The following TM2D1 variants were observed in gnomAD, a reference collection of about 807,000 sequenced individuals.
TM2D1 encodes the protein TM2 domain containing 1, also known as TM2 domain-containing protein 1.
Under a neutral mutation model 28.4 loss-of-function variants are expected in TM2D1, and 15 were observed. The observed-to-expected ratio is 0.53, with a 90% CI of 0.35 to 0.81. TM2D1 has a LOEUF of 0.81. TM2D1 is among the 40% of genes least tolerant of loss of function. The pLI is 0.01. For missense variants in TM2D1, 236 were observed against 254.9 expected, an observed-to-expected ratio of 0.93 and a Z score of 0.50; for synonymous variants, 93 against 96.2, an observed-to-expected ratio of 0.97 and a Z score of 0.20.
chr1:61,700,159 T>C, intron 4 of TM2D1: 1 of 1,515,734 alleles, frequency 6.6e-7, no homozygotes, highest in East Asian at 2.5e-5. Context: ...TCTCTTAATC[T>C]CGTGACAATT....
rs374486754 is a variant in TM2D1, at chr1:61,688,313, CAG to C, written c.514-4769_514-4768del. Among the ~76,000 whole-genome samples the C allele has an allele frequency of 2.0e-3, 300 of 152,290 alleles. 2 individuals carry two copies. Among genetic ancestry groups the C allele is most frequent in the African/African-American group, 7.0e-3 (289 of 41,564 alleles). ...AATCTACCTAATTAAGGTCACATGA[CAG>C]AGTAAAAGTTACTCAAATGATCAGT... On this transcript the variant is annotated intron_variant, in intron 5 of 6. Coordinates refer to ENST00000606498, the MANE Select transcript of TM2D1 (RefSeq NM_032027.3).
chr1:61,724,881 G>C (rs773968127), intron 1 of TM2D1, 76 bp downstream of exon 1: 2 of 1,462,508 alleles, frequency 1.4e-6, no homozygotes, highest in Non-Finnish European at 1.8e-6. Flanking sequence ...GCCCTAGCCA[G>C]TCCTGACGGC....
In TM2D1 at chr1:61,691,714, G is replaced by A. The variant is rs1024260558; in HGVS notation, c.513+2983C>T. 2.7e-5 allele frequency among the ~76,000 whole-genome samples: 4 copies of A among 149,932 alleles called. 1 individual carries two copies. Among genetic ancestry groups the A allele is most frequent in the Admixed American group, 6.7e-5 (1 of 14,944 alleles). On this transcript the variant is annotated intron_variant, in intron 5 of 6. Transcript: ENST00000606498. ...GTGGATCACCTGAGGTCAGGAGTTCGACACCGGCCTGACCAACATGGAGAA... is the reference window on the plus strand; with the variant it reads ...GTGGATCACCTGAGGTCAGGAGTTCAACACCGGCCTGACCAACATGGAGAA...
At chr1:61,683,222 G>C in intron 6 of TM2D1, 195 bp downstream of exon 6, 1 of 253,666 alleles carries the variant, frequency 3.9e-6, no homozygotes, top group East Asian at 7.1e-5. Context: ...GCACTGCAAA[G>C]AGTCTGAAGT....
intron 2 of TM2D1, among the ~76,000 whole-genome samples, chr1:61,722,474 T>A (rs1463847968): frequency 1.3e-5 from 2 of 152,038 alleles, no homozygotes; most frequent in Non-Finnish European, 2.9e-5. Context: ...GTTCAAGCAA[T>A]TATCCTGCCT....
intron 4 of TM2D1, chr1:61,700,209 C>A: frequency 6.5e-7 from 1 of 1,535,412 alleles, no homozygotes; most frequent in South Asian, 1.2e-5. Context: ...ACAAATATGT[C>A]ACAGAATAAA....
intron 3 of TM2D1, 101 bp downstream of exon 3, chr1:61,709,228 C>A (rs868270152): frequency 5.6e-6 from 4 of 719,742 alleles, no homozygotes; most frequent in Non-Finnish European, 9.3e-6. Flanking sequence ...ATAAAAGATA[C>A]ATTTTCAGGA....
At chr1:61,718,225 G>A (rs1644536820) in intron 2 of TM2D1, among the ~76,000 whole-genome samples, 1 of 151,974 alleles carries the variant, frequency 6.6e-6, no homozygotes, top group Non-Finnish European at 1.5e-5. Context: ...GGGAGGTGGA[G>A]GTTAGAGTGA....
chr1:61,691,932 A>ATATATATATATATATATAT (rs1553140879), intron 5 of TM2D1, among the ~76,000 whole-genome samples: 8 of 76,394 alleles, frequency 1.0e-4, no homozygotes, highest in Non-Finnish European at 1.5e-4. Context: ...AAAAAAAAAA[A>ATATATATATATATATATAT]ATATATATAT....
chr1:61,719,749 C>T (rs1408227091), intron 2 of TM2D1, among the ~76,000 whole-genome samples: 2 of 152,160 alleles, frequency 1.3e-5, no homozygotes, highest in Admixed American at 6.6e-5. Flanking sequence ...CCTGCCTCGG[C>T]CTCCCCAAGT....
intron 2 of TM2D1, among the ~76,000 whole-genome samples, chr1:61,716,602 C>T (rs1644524255): frequency 6.8e-6 from 1 of 147,012 alleles, no homozygotes. Context: ...TACACACACA[C>T]ACACAAAAAG....
At chr1:61,705,150 A>G (rs7546692) in intron 3 of TM2D1, among the ~76,000 whole-genome samples, 3,379 of 152,278 alleles carry the variant, frequency 0.022, 121 homozygotes, top group African/African-American at 0.077. Context: ...AAATCACCCT[A>G]AAGAATAATC....
chr1:61,718,860 G>A (rs543673170), intron 2 of TM2D1, among the ~76,000 whole-genome samples: 2 of 152,152 alleles, frequency 1.3e-5, no homozygotes, highest in African/African-American at 2.4e-5. Flanking sequence ...AGAAAGTTGT[G>A]GAAATGCACC....
intron 2 of TM2D1, among the ~76,000 whole-genome samples, chr1:61,715,371 A>G (rs975886102): frequency 6.6e-6 from 1 of 152,108 alleles, no homozygotes; most frequent in Non-Finnish European, 1.5e-5. Context: ...ATATACATTT[A>G]AAAAGCATAC....
rs1312619002 is a variant in TM2D1 at position 61,716,535 on chromosome 1, GTATAATTTTATATATGTA to G, written c.239-7116_239-7099del. Among the ~76,000 whole-genome samples, 567 of 138,912 alleles carry G rather than the reference GTATAATTTTATATATGTA, an allele frequency of 4.1e-3. 3 individuals carry two copies. Among genetic ancestry groups the G allele is most frequent in the African/African-American group, 0.012 (441 of 35,596 alleles). The allele number at this position is 138,912 out of a possible 152,430, so 91.1% of individuals were successfully genotyped here. On this transcript the variant is annotated intron_variant, in intron 2 of 6. Coordinates refer to ENST00000606498, the MANE Select transcript of TM2D1 (RefSeq NM_032027.3). ...TATATATGTATATAATTATATATGT[GTATAATTTTATATATGTA>G]TATAATTTTATATATGTATATAATT...
intron 5 of TM2D1, among the ~76,000 whole-genome samples, chr1:61,690,452 G>A (rs1310115843): frequency 5.6e-5 from 3 of 53,700 alleles, no homozygotes; most frequent in African/African-American, 8.0e-5. Flanking sequence ...GCAAGACTCA[G>A]TCTCAAAAAA....
rs1046309817 is a variant in TM2D1, at chr1:61,711,198, C to T, written c.239-1761G>A. 1.0e-4 allele frequency among the ~76,000 whole-genome samples: 15 copies of T among 150,692 alleles called. No individual in the cohort carries two copies. The South Asian group carries it at 3.0e-3, about 30-fold the overall frequency. On this transcript the variant is annotated intron_variant, in intron 2 of 6. Transcript: ENST00000606498. ...ACAAAAAATTAGCCAGGCATGGTGG[C>T]GGGCACCTGTAATCCCAGCTACATG...
chr1:61,713,604 G>A (rs1294678635), intron 2 of TM2D1, among the ~76,000 whole-genome samples: 1 of 150,902 alleles, frequency 6.6e-6, no homozygotes, highest in African/African-American at 2.4e-5. Flanking sequence ...AGTAGATTAA[G>A]TGTGCCAGAA....
intron 2 of TM2D1, among the ~76,000 whole-genome samples, chr1:61,711,793 G>A (rs1644481174): frequency 6.6e-6 from 1 of 152,162 alleles, no homozygotes; most frequent in Non-Finnish European, 1.5e-5. Flanking sequence ...CTTGGATCAT[G>A]CTTTTGATTA....
Sources: gnomAD v4.1 joint callset for allele counts (sites outside exome capture counted in the v4.1 genomes callset) on GRCh38, gnomAD v4.1.1 for gene constraint, MANE v1.5 for transcripts, NCBI Gene and HGNC (gene_info 2026-07-23, HGNC 2026-07-21) for gene names.